The following RFWD3 variants were observed in gnomAD, a reference collection of about 807,000 sequenced individuals.
RFWD3 encodes the protein ring finger and WD repeat domain 3.
In RFWD3, 65 loss-of-function variants were observed where a neutral mutation model predicts 87.7. That is an observed-to-expected ratio of 0.74 (90% CI 0.61 to 0.91). The LOEUF (loss-of-function observed/expected upper bound fraction) is 0.91. RFWD3 is among the 40% of genes least tolerant of loss of function. The probability of loss-of-function intolerance (pLI) is 0.00; values close to 1 mark genes in which losing one functional copy is unlikely to be tolerated. For synonymous variants in RFWD3, 433 were observed against 352.8 expected, an observed-to-expected ratio of 1.23 and a Z score of -2.55; for missense variants, 1,078 against 938.5, an observed-to-expected ratio of 1.15 and a Z score of -1.94.
rs1195355743 is a variant in RFWD3, at chr16:74,635,270, G to A, written c.1426+1076C>T. Among the ~76,000 whole-genome samples the A allele has an allele frequency of 2.0e-5, 3 of 151,062 alleles. 1 individual carries two copies. The highest frequency in any genetic ancestry group is 4.2e-4 in the South Asian group (2 of 4,792). ...TGCAGTCCGGCCTAGGCGAAAGAGC[G>A]AGACTCCATCTCAAAAAAATAAAAA... is the stretch of plus-strand genomic sequence containing the variant. On this transcript the variant is annotated intron_variant, in intron 8 of 12. Transcript: ENST00000361070.
intron 12 of RFWD3, among the ~76,000 whole-genome samples, chr16:74,625,241 G>C (rs112394737): frequency 0.046 from 6,768 of 148,708 alleles, 497 homozygotes; most frequent in African/African-American, 0.15. Context: ...AAAAAAGGTA[G>C]AGAGCACGGT....
rs1019140364 is a variant in RFWD3 at position 74,662,266 on chromosome 16, C to T, written c.-2-815G>A. 6.6e-5 allele frequency among the ~76,000 whole-genome samples: 10 copies of T among 152,242 alleles called. 2 individuals carry two copies. On this transcript the variant is annotated intron_variant, in intron 1 of 12. Coordinates refer to ENST00000361070, the MANE Select transcript of RFWD3 (RefSeq NM_018124.4). ...ACTGAGCCACTGTGCCTCCCTACCA[C>T]CTAGTTTTTAAAGTACATCAGTATA... is the stretch of plus-strand genomic sequence containing the variant.
intron 3 of RFWD3, 24 bp from the exon 4 acceptor site, chr16:74,649,226 A>G: frequency 6.6e-7 from 1 of 1,523,078 alleles, no homozygotes; most frequent in East Asian, 2.6e-5. Flanking sequence ...TCCAGAAATG[A>G]CAGGAGAGGT....
intron 6 of RFWD3, among the ~76,000 whole-genome samples, chr16:74,640,682 G>T (rs186107440): frequency 7.6e-4 from 115 of 150,886 alleles, no homozygotes; most frequent in South Asian, 2.6e-3. Context: ...GCTCATGCCT[G>T]TAATCCCAGC....
At position 74,636,677 on chromosome 16, in the gene RFWD3, T is replaced by C. The variant is rs535860664; in HGVS notation, c.1195-100A>G. On this transcript the variant is annotated intron_variant, in intron 7 of 12. Coordinates refer to ENST00000361070, the MANE Select transcript of RFWD3 (RefSeq NM_018124.4). The stretch of plus-strand genomic sequence containing the variant: ...TTACAGGAAGATTTTTTATCCATTA[T>C]ATGAAAGTGTTAACATGAATCCTAG... 1.4e-3 allele frequency: 1,251 copies of C among 908,858 alleles called. 27 individuals are homozygous for C. In the South Asian group the frequency reaches 0.018, roughly 13 times the overall value. The allele number at this position is 908,858 out of a possible 1,614,324, so 56.3% of individuals were successfully genotyped here. A position where few individuals can be genotyped will look rare whatever the true frequency, so the allele number is the denominator to read the frequency against.
At chr16:74,648,702 G>A (rs1290073931) in intron 4 of RFWD3, among the ~76,000 whole-genome samples, 1 of 151,730 alleles carries the variant, frequency 6.6e-6, no homozygotes, top group Admixed American at 6.6e-5. Context: ...AACACGGGAG[G>A]CAGAGGTTAT....
chr16:74,646,307 T>C (rs1271614833), intron 4 of RFWD3, among the ~76,000 whole-genome samples: 2 of 152,134 alleles, frequency 1.3e-5, no homozygotes, highest in South Asian at 2.1e-4. Flanking sequence ...GCCCGGGATA[T>C]TGAGGCTGCA....
At chr16:74,657,049 A>G (rs1027617137) in intron 2 of RFWD3, among the ~76,000 whole-genome samples, 3 of 152,164 alleles carry the variant, frequency 2.0e-5, no homozygotes, top group African/African-American at 7.2e-5. Flanking sequence ...CCCCAGGGAA[A>G]ATGATTTAGG....
rs542399573 is a variant in RFWD3 at position 74,637,804 on chromosome 16, C to A, written c.1194+52G>T. ...AGATGAACATAACTAACATTAGCTT[C>A]CTCTTCCATTCCTATTCCAAAAGTT... On this transcript the variant is annotated intron_variant, in intron 7 of 12. Coordinates refer to ENST00000361070, the MANE Select transcript of RFWD3 (RefSeq NM_018124.4). 1.9e-5 allele frequency: 25 copies of A among 1,306,512 alleles called. No homozygotes were observed. The African/African-American group carries it at 3.2e-4, about 17-fold the overall frequency. 80.9% of individuals were successfully genotyped at this position (1,306,512 alleles called of 1,614,324 possible). A position where few individuals can be genotyped will look rare whatever the true frequency, so the allele number is the denominator to read the frequency against.
At position 74,623,941 on chromosome 16, in the gene RFWD3, T is replaced by A. The variant is rs775345045; in HGVS notation, c.2312A>T (p.Tyr771Phe). 1.2e-6 allele frequency: 2 copies of A among 1,614,130 alleles called. No homozygotes were observed. ...TCGAGACCACAGTCACTCCCACTTA[T>A]AGATGTGGACCATCTTCTCTGTTAA... ...ATLTEKMVHI[Y>F]KWE is the part of the protein sequence containing the mutation. The change falls in exon 13 of 13, where the codon TAT (tyrosine) becomes TTT (phenylalanine). Residue 771 changes from tyrosine (Y) to phenylalanine (F), a missense_variant. Tyr to Phe is a conservative substitution (Grantham distance 22, BLOSUM62 3). Coordinates refer to ENST00000361070, the MANE Select transcript of RFWD3 (RefSeq NM_018124.4).
rs562970351 is a variant in RFWD3, at chr16:74,624,012, C to A, written c.2241G>T (p.Leu747Phe). ...GGTTCACCTCAAATGGGCAGATGTC[C>A]AACACAGGCTGATCGGTCTGTAGGT... ...LQDLQTDQPV[L>F]DICPFEVNRN... The change falls in exon 13 of 13, where the codon TTG (leucine) becomes TTT (phenylalanine). Residue 747 changes from leucine to phenylalanine, a missense_variant. Physicochemically the swap from Leu to Phe is conservative, Grantham distance 22. Coordinates refer to ENST00000361070, the MANE Select transcript of RFWD3 (RefSeq NM_018124.4). 12 of 1,614,022 alleles carry A rather than the reference C, an allele frequency of 7.4e-6. 1 individual carries two copies. In the South Asian group the frequency reaches 1.1e-4, roughly 15 times the overall value.
chr16:74,652,192 T>G (rs575649399), intron 2 of RFWD3, 70 bp from the exon 3 acceptor site: 2 of 1,394,272 alleles, frequency 1.4e-6, no homozygotes, highest in Non-Finnish European at 2.0e-6. Flanking sequence ...CTATAGTGAT[T>G]TGAAGTAAAT....
intron 8 of RFWD3, among the ~76,000 whole-genome samples, chr16:74,634,756 A>G (rs1450481809): frequency 6.6e-6 from 1 of 150,614 alleles, no homozygotes; most frequent in Non-Finnish European, 1.5e-5. Flanking sequence ...CAGGGAACCA[A>G]GCACGTGGCT....
chr16:74,655,851 T>A (rs1263128530), intron 2 of RFWD3, among the ~76,000 whole-genome samples: 1 of 152,190 alleles, frequency 6.6e-6, no homozygotes, highest in Non-Finnish European at 1.5e-5. Flanking sequence ...TAAATGGAAC[T>A]ACAAAGCCTG....
rs1204898512 is a variant in RFWD3, at chr16:74,649,167, T to G, written c.757A>C (p.Thr253Pro). 2.5e-6 allele frequency: 4 copies of G among 1,570,730 alleles called. No homozygotes were observed. The highest frequency in any genetic ancestry group is 3.4e-6 in the Non-Finnish European group (4 of 1,166,360). Residue 253 changes from threonine (T) to proline (P), a missense_variant, in exon 4 of 13, where the codon ACA becomes CCA. Physicochemically the swap from Thr to Pro is conservative, Grantham distance 38 (BLOSUM62 -1). Transcript: ENST00000361070. ...LAGVSAEQEV[T>P]CIDGGKTLPK... ...AGGGTCTTGCCTCCATCGATACATG[T>G]AACTTCTTGCTCTGCTGAGACACCT...
At chr16:74,659,920 G>A (rs576936085) in intron 2 of RFWD3, among the ~76,000 whole-genome samples, 79 of 152,206 alleles carry the variant, frequency 5.2e-4, no homozygotes, top group African/African-American at 1.8e-3. Flanking sequence ...GCATGGTTGC[G>A]TATGCCTGTA....
At chr16:74,652,371 A>G (rs544998594) in intron 2 of RFWD3, among the ~76,000 whole-genome samples, 22 of 152,048 alleles carry the variant, frequency 1.4e-4, no homozygotes, top group African/African-American at 4.8e-4. Context: ...AGCTAATTCT[A>G]TTTTACTGGC....
chr16:74,638,836 A>G (rs1186918750), intron 6 of RFWD3, among the ~76,000 whole-genome samples: 1 of 152,268 alleles, frequency 6.6e-6, no homozygotes, highest in East Asian at 1.9e-4. Context: ...ACATGTTGTT[A>G]GGTGATTTCG....
At chr16:74,656,416 T>C (rs915906281) in intron 2 of RFWD3, among the ~76,000 whole-genome samples, 3 of 151,920 alleles carry the variant, frequency 2.0e-5, no homozygotes, top group Admixed American at 2.0e-4. Context: ...CTTAAGATGA[T>C]AGCTGCCAGT....
Sources: allele counts gnomAD v4.1 joint callset (sites outside exome capture counted in the v4.1 genomes callset), GRCh38; gene constraint gnomAD v4.1.1; transcripts MANE v1.5; gene names NCBI Gene and HGNC (gene_info 2026-07-23, HGNC 2026-07-21).